Variants in NDC1 observed in about 807,000 individuals in gnomAD.
NDC1 encodes the protein NDC1 transmembrane nucleoporin, also known as nucleoporin NDC1.
A neutral mutation model predicts 89.8 loss-of-function variants in NDC1; 24 were observed. That is an observed-to-expected ratio of 0.27 (90% CI 0.19 to 0.38). NDC1 has a LOEUF of 0.38. Ranked by LOEUF, NDC1 falls within the 10% of genes least tolerant of loss-of-function variation. The pLI is 1.00. For missense variants in NDC1, 728 were observed against 797.6 expected, an observed-to-expected ratio of 0.91 and a Z score of 1.05; for synonymous variants, 296 against 284.8, an observed-to-expected ratio of 1.04 and a Z score of -0.39.
At chr1:53,810,192 C>T (rs184926434) in intron 6 of NDC1, among the ~76,000 whole-genome samples, 67 of 152,256 alleles carry the variant, frequency 4.4e-4, no homozygotes, top group Non-Finnish European at 8.7e-4. Flanking sequence ...GACAGCAAAG[C>T]ATGTAGTTGT....
At chr1:53,799,076 C>T (rs1325578691) in intron 11 of NDC1, among the ~76,000 whole-genome samples, 1 of 152,212 alleles carries the variant, frequency 6.6e-6, no homozygotes, top group Admixed American at 6.5e-5. Context: ...CTTTCCAACG[C>T]TAATTTGATG....
Position 53,765,617 on chromosome 1 carries a change from T to G in NDC1, c.*2353A>C, listed in dbSNP as rs1029384838. Reference sequence around the variant, plus strand: ...GAACAAATCCTGCAAAGTAACAAATTGTTGCTTATCCATGTCCACTCAACT... The same window carrying G: ...GAACAAATCCTGCAAAGTAACAAATGGTTGCTTATCCATGTCCACTCAACT... On this transcript the variant is annotated 3_prime_UTR_variant, in exon 18 of 18. Transcript: ENST00000371429. 1.3e-5 allele frequency: 2 copies of G among 152,152 alleles called. No individual in the cohort carries two copies. Among genetic ancestry groups the G allele is most frequent in the East Asian group, 1.9e-4 (1 of 5,190 alleles). The allele number at this position is 152,152 out of a possible 1,614,324, so 9.4% of individuals were successfully genotyped here.
chr1:53,808,636 C>A (rs190391384), intron 7 of NDC1, among the ~76,000 whole-genome samples: 192 of 152,256 alleles, frequency 1.3e-3, no homozygotes, highest in Non-Finnish European at 2.2e-3. Context: ...GATTATCAGG[C>A]ACTCAGCCAT....
intron 13 of NDC1, among the ~76,000 whole-genome samples, chr1:53,795,125 C>T (rs981417008): frequency 6.6e-6 from 1 of 152,100 alleles, no homozygotes; most frequent in African/African-American, 2.4e-5. Flanking sequence ...CCCCATGCTA[C>T]CCATCAGCAG....
At chr1:53,788,271 G>A (rs1570172902) in intron 15 of NDC1, among the ~76,000 whole-genome samples, 1 of 152,004 alleles carries the variant, frequency 6.6e-6, no homozygotes, top group South Asian at 2.1e-4. Flanking sequence ...TCCAGCTTGG[G>A]AGACACAGCA....
chr1:53,786,590 T>C (rs1192685628), intron 16 of NDC1, among the ~76,000 whole-genome samples: 1 of 152,262 alleles, frequency 6.6e-6, no homozygotes, highest in Non-Finnish European at 1.5e-5. Flanking sequence ...TTTTAAACAA[T>C]GTGTTTAATA....
chr1:53,809,874 T>A, intron 6 of NDC1, 128 bp from the exon 7 acceptor site: 1 of 688,756 alleles, frequency 1.5e-6, no homozygotes, highest in Non-Finnish European at 2.6e-6. Context: ...GTTAGACTTA[T>A]TAGGAATGAG....
intron 17 of NDC1, among the ~76,000 whole-genome samples, chr1:53,770,337 T>A (rs551659362): frequency 2.0e-5 from 3 of 152,300 alleles, no homozygotes; most frequent in African/African-American, 7.2e-5. Flanking sequence ...GGCAGGGTCT[T>A]GCTCGGTCGC....
chr1:53,822,665 A>G (rs1648712577), intron 5 of NDC1, among the ~76,000 whole-genome samples: 1 of 151,856 alleles, frequency 6.6e-6, no homozygotes, highest in African/African-American at 2.4e-5. Context: ...CAATTTATCA[A>G]TATGATATTT....
chr1:53,772,522 T>C, intron 16 of NDC1, 33 bp from the exon 17 acceptor site: 1 of 1,602,182 alleles, frequency 6.2e-7, no homozygotes, highest in Non-Finnish European at 8.5e-7. Flanking sequence ...TCAGTTTAGA[T>C]TATAAAGAAA....
chr1:53,836,755 C>A (rs1468550442), intron 1 of NDC1, among the ~76,000 whole-genome samples: 1 of 151,540 alleles, frequency 6.6e-6, no homozygotes, highest in African/African-American at 2.4e-5. Context: ...CAGGCGTGAG[C>A]CACAGCGCCC....
chr1:53,784,100 T>C (rs1647248882), intron 16 of NDC1, among the ~76,000 whole-genome samples: 1 of 152,192 alleles, frequency 6.6e-6, no homozygotes, highest in Non-Finnish European at 1.5e-5. Context: ...GTGTGATCTT[T>C]ATGAAATCAA....
intron 13 of NDC1, 141 bp downstream of exon 13, chr1:53,796,548 T>G: frequency 1.8e-6 from 1 of 544,984 alleles, no homozygotes. Context: ...AGTCAAATAT[T>G]GGCTGTTTCA....
At chr1:53,810,754 A>G (rs1260719401) in intron 6 of NDC1, among the ~76,000 whole-genome samples, 2 of 152,218 alleles carry the variant, frequency 1.3e-5, no homozygotes, top group Non-Finnish European at 2.9e-5. Flanking sequence ...GAAAAGAGAC[A>G]CTACTAATCA....
intron 16 of NDC1, 92 bp downstream of exon 16, chr1:53,787,066 C>A: frequency 1.7e-6 from 1 of 602,228 alleles, no homozygotes; most frequent in South Asian, 2.5e-5. Context: ...CATGTTTTGT[C>A]ACTCGATAAA....
At chr1:53,829,050 C>G (rs902709683) in intron 3 of NDC1, among the ~76,000 whole-genome samples, 3 of 152,026 alleles carry the variant, frequency 2.0e-5, no homozygotes, top group African/African-American at 7.3e-5. Flanking sequence ...TTTTTAATAC[C>G]CTTCAGACAA....
chr1:53,781,145 C>T (rs534621533), intron 16 of NDC1, among the ~76,000 whole-genome samples: 56 of 152,174 alleles, frequency 3.7e-4, no homozygotes, highest in Non-Finnish European at 6.6e-4. Context: ...CATGAGCCAA[C>T]GCACTTAGCC....
At chr1:53,783,064 A>C (rs1221056055) in intron 16 of NDC1, among the ~76,000 whole-genome samples, 1 of 152,216 alleles carries the variant, frequency 6.6e-6, no homozygotes, top group Admixed American at 6.5e-5. Flanking sequence ...CTTTGGAACA[A>C]AAACATTTAA....
intron 2 of NDC1, among the ~76,000 whole-genome samples, chr1:53,833,043 C>G (rs59156571): frequency 0.12 from 17,576 of 152,078 alleles, 1,035 homozygotes; most frequent in Non-Finnish European, 0.13. Flanking sequence ...AAAGGAGTTA[C>G]AGTGTGAGTT....
Sources: allele counts gnomAD v4.1 joint callset (sites outside exome capture counted in the v4.1 genomes callset), GRCh38; gene constraint gnomAD v4.1.1; transcripts MANE v1.5; gene names NCBI Gene and HGNC (gene_info 2026-07-23, HGNC 2026-07-21).